PDE4B: variants seen among roughly 807,000 people sequenced by gnomAD.
The protein encoded by PDE4B is 3',5'-cyclic-AMP phosphodiesterase 4B.
PDE4B carries 20 observed loss-of-function variants against 82.2 expected under a neutral mutation model. The ratio of observed to expected loss-of-function variants is 0.24; its 90% CI spans 0.17 to 0.35. The LOEUF is 0.35. Ranked by LOEUF, PDE4B falls within the 10% of genes least tolerant of loss-of-function variation. The probability of loss-of-function intolerance (pLI) is 1.00; values close to 1 mark genes in which losing one functional copy is unlikely to be tolerated. For synonymous variants in PDE4B, 320 were observed against 318.9 expected, an observed-to-expected ratio of 1.00 and a Z score of -0.04; for missense variants, 655 against 907.2, an observed-to-expected ratio of 0.72 and a Z score of 3.57.
intron 1 of PDE4B, among the ~76,000 whole-genome samples, chr1:65,804,260 T>A (rs1056299752): frequency 2.2e-4 from 33 of 152,190 alleles, no homozygotes; most frequent in Non-Finnish European, 1.5e-5. Flanking sequence ...AAGCTTTGCT[T>A]TTCTCTGTGC....
chr1:66,293,920 C>G (rs923707352), intron 7 of PDE4B, among the ~76,000 whole-genome samples: 1 of 152,128 alleles, frequency 6.6e-6, no homozygotes, highest in African/African-American at 2.4e-5. Flanking sequence ...TCAAAAAGCT[C>G]TGTGGCCGGA....
intron 3 of PDE4B, among the ~76,000 whole-genome samples, chr1:66,163,519 TAA>T (rs1646660007): frequency 6.6e-6 from 1 of 152,146 alleles, no homozygotes; most frequent in Admixed American, 6.5e-5. Context: ...TTATGATTTC[TAA>T]GTCAATAGTA....
intron 3 of PDE4B, among the ~76,000 whole-genome samples, chr1:66,082,338 A>G (rs1656784930): frequency 6.6e-6 from 1 of 152,122 alleles, no homozygotes; most frequent in African/African-American, 2.4e-5. Context: ...GTGAATACCT[A>G]CCTGTGGAAT....
intron 3 of PDE4B, among the ~76,000 whole-genome samples, chr1:66,010,809 C>G (rs1652440789): frequency 6.9e-6 from 1 of 145,638 alleles, no homozygotes; most frequent in South Asian, 2.2e-4. Context: ...TGATATTTAG[C>G]TCTATTTCTA....
At chr1:66,309,711 T>G (rs1448401139) in intron 7 of PDE4B, among the ~76,000 whole-genome samples, 1 of 152,172 alleles carries the variant, frequency 6.6e-6, no homozygotes, top group Admixed American at 6.5e-5. Flanking sequence ...GAGCCATAAA[T>G]TTCATTTCTA....
chr1:66,021,956 T>G (rs561879992), intron 3 of PDE4B, among the ~76,000 whole-genome samples: 25 of 152,156 alleles, frequency 1.6e-4, no homozygotes, highest in Non-Finnish European at 2.8e-4. Flanking sequence ...ATGGAATGTT[T>G]TTCCATTTGT....
chr1:65,942,335 T>C (rs1468637056), intron 3 of PDE4B, among the ~76,000 whole-genome samples: 1 of 152,056 alleles, frequency 6.6e-6, no homozygotes, highest in Admixed American at 6.6e-5. Context: ...TGTCCATCCA[T>C]GTTGTCACAA....
chr1:66,132,005 G>A (rs948710664), intron 3 of PDE4B, among the ~76,000 whole-genome samples: 1 of 152,160 alleles, frequency 6.6e-6, no homozygotes, highest in African/African-American at 2.4e-5. Flanking sequence ...TATGGCTGAA[G>A]CAGAGCAAGT....
At chr1:66,053,546 G>A (rs766876987) in intron 3 of PDE4B, among the ~76,000 whole-genome samples, 1 of 152,132 alleles carries the variant, frequency 6.6e-6, no homozygotes, top group Non-Finnish European at 1.5e-5. Flanking sequence ...CCTGGCCAAG[G>A]TCACACAGTG....
At chr1:66,285,104 C>A (rs1356087524) in intron 7 of PDE4B, among the ~76,000 whole-genome samples, 1 of 152,128 alleles carries the variant, frequency 6.6e-6, no homozygotes, top group Non-Finnish European at 1.5e-5. Context: ...ATCACAACAA[C>A]AATGTTTATT....
chr1:65,888,561 A>G (rs1646817483), intron 1 of PDE4B, among the ~76,000 whole-genome samples: 1 of 152,044 alleles, frequency 6.6e-6, no homozygotes, highest in Non-Finnish European at 1.5e-5. Flanking sequence ...TTGATGATTT[A>G]TTCTTTTGAT....
At chr1:65,930,520 C>T (rs1252542986) in intron 3 of PDE4B, among the ~76,000 whole-genome samples, 1 of 152,220 alleles carries the variant, frequency 6.6e-6, no homozygotes, top group Non-Finnish European at 1.5e-5. Context: ...GGCGGAGCTG[C>T]CCAAGGCCTT....
At chr1:65,876,111 G>A (rs965183189) in intron 1 of PDE4B, among the ~76,000 whole-genome samples, 4 of 152,020 alleles carry the variant, frequency 2.6e-5, no homozygotes, top group Non-Finnish European at 5.9e-5. Flanking sequence ...AAAGAACAGT[G>A]CAGATGAAAG....
intron 1 of PDE4B, among the ~76,000 whole-genome samples, chr1:65,894,188 G>A (rs1186464821): frequency 6.6e-6 from 1 of 152,078 alleles, no homozygotes; most frequent in African/African-American, 2.4e-5. Context: ...TTTACACTAA[G>A]TGATTTTAAG....
chr1:65,872,501 CAA>C (rs925373043), intron 1 of PDE4B, among the ~76,000 whole-genome samples: 1 of 152,034 alleles, frequency 6.6e-6, no homozygotes, highest in African/African-American at 2.4e-5. Flanking sequence ...GAACTTAGAT[CAA>C]AGAGTTACAG....
intron 3 of PDE4B, among the ~76,000 whole-genome samples, chr1:66,033,711 A>G (rs1653919065): frequency 8.7e-6 from 1 of 115,096 alleles, no homozygotes; most frequent in African/African-American, 2.9e-5. Flanking sequence ...GCAGCACCAA[A>G]TTGAAAAAAA....
chr1:66,259,324 A>AT (rs1654501917), intron 6 of PDE4B, among the ~76,000 whole-genome samples: 1 of 152,186 alleles, frequency 6.6e-6, no homozygotes, highest in Admixed American at 6.5e-5. Context: ...TAGGGCTTAC[A>AT]TTCTAATACA....
intron 7 of PDE4B, among the ~76,000 whole-genome samples, chr1:66,289,259 C>T (rs1234905366): frequency 6.6e-6 from 1 of 151,976 alleles, no homozygotes; most frequent in Non-Finnish European, 1.5e-5. Flanking sequence ...CAGAGCAAGA[C>T]CTGTCTCAAG....
At chr1:65,808,069 C>A (rs1029249559) in intron 1 of PDE4B, among the ~76,000 whole-genome samples, 2 of 151,696 alleles carry the variant, frequency 1.3e-5, no homozygotes, top group African/African-American at 4.9e-5. Flanking sequence ...GTCCCAGAGA[C>A]AGGATGGCCT....
Sources: allele counts gnomAD v4.1 joint callset (sites outside exome capture counted in the v4.1 genomes callset), GRCh38; gene constraint gnomAD v4.1.1; transcripts MANE v1.5; gene names NCBI Gene and HGNC (gene_info 2026-07-23, HGNC 2026-07-21).